CD4: variants seen among roughly 807,000 people sequenced by gnomAD.
The protein encoded by CD4 is T-cell surface glycoprotein CD4.
In CD4, 25 loss-of-function variants were observed where a neutral mutation model predicts 50.5. That is an observed-to-expected ratio of 0.49 (90% CI 0.36 to 0.69). The LOEUF (loss-of-function observed/expected upper bound fraction) is 0.69, where lower values mean the gene tolerates loss of function less well. CD4 is among the 30% of genes least tolerant of loss of function. The pLI is 0.00. For synonymous variants in CD4, 207 were observed against 221.9 expected (o/e 0.93, Z 0.60); for missense variants, 456 against 548.5 (o/e 0.83, Z 1.68).
rs782284163 is a variant in CD4, at chr12:6,818,527, G to A, written c.1263G>A (p.Arg421=). The part of the protein sequence containing the change: ...FIGLGIFFCV[R]CRHRRRQAER... ...GGCTAGGCATCTTCTTCTGTGTCAG[G>A]TGCCGGCACCGAAGGGTGAGTAACC... Residue 421 remains arginine (R), a synonymous_variant, in exon 8 of 10, where the codon AGG becomes AGA. Coordinates refer to ENST00000011653, the MANE Select transcript of CD4 (RefSeq NM_000616.5). The surrounding 1 kb of genome is among the most constrained non-coding windows in gnomAD (Gnocchi z 5.0). The A allele has an allele frequency of 1.6e-5, 25 of 1,612,818 alleles. 1 individual carries two copies. The South Asian group carries it at 1.8e-4, about 11-fold the overall frequency.
At chr12:6,814,558 G>T in intron 4 of CD4, 1 of 676,420 alleles carries the variant, frequency 1.5e-6, no homozygotes. Flanking sequence ...GACTGGGGAA[G>T]AGAGGATGAG....
Position 6,817,303 on chromosome 12 carries a change from C to A in CD4, c.1129C>A (p.Gln377Lys). 6.4e-7 allele frequency: 1 copy of A among 1,563,232 alleles called. No homozygotes were observed. The highest frequency in any genetic ancestry group is 8.7e-7 in the Non-Finnish European group (1 of 1,152,636). The change falls in exon 7 of 10, where the codon CAG becomes AAG. Residue 377 changes from glutamine (Q) to lysine (K), a missense_variant. Transcript: ENST00000011653. ...GCAGTGTCTGCTGAGTGACTCGGGA[C>A]AGGTCCTGCTGGAATCCAACATCAA... ...MWQCLLSDSG[Q>K]VLLESNIKVL...
chr12:6,808,081 A>C (rs1942822139), intron 3 of CD4, among the ~76,000 whole-genome samples: 1 of 35,624 alleles, frequency 2.8e-5, no homozygotes, highest in African/African-American at 1.8e-4. Flanking sequence ...CTCTTTCTCA[A>C]AAAAAAAAAA....
intron 7 of CD4, 117 bp downstream of exon 7, chr12:6,817,447 G>T: frequency 1.2e-6 from 1 of 841,292 alleles, no homozygotes. Flanking sequence ...TATGGGTATG[G>T]TGTCCTCTGT....
At chr12:6,797,668 C>T (rs11064394) in intron 1 of CD4, among the ~76,000 whole-genome samples, 18,099 of 152,082 alleles carry the variant, frequency 0.12, 1,326 homozygotes, top group East Asian at 0.35. Context: ...AACATATGAG[C>T]AAAGACTCTG....
rs782781509 is a variant in CD4, at chr12:6,816,291, C to T, written c.843C>T (p.His281=). 9 of 1,614,246 alleles carry T rather than the reference C, an allele frequency of 5.6e-6. No individual in the cohort carries two copies. Among genetic ancestry groups the T allele is most frequent in the Non-Finnish European group, 7.6e-6 (9 of 1,180,040 alleles). ...AGATGGGCAAGAAGCTCCCGCTCCA[C>T]CTCACCCTGCCCCAGGCCTTGCCTC... ...KLQMGKKLPL[H]LTLPQALPQY... is the part of the protein sequence containing the mutation. The change falls in exon 6 of 10, where the codon CAC becomes CAT. Residue 281 remains histidine (H), a synonymous_variant. Transcript: ENST00000011653. This position sits in a 1 kb window ranked among gnomAD's most constrained non-coding sequence, Gnocchi z 4.9.
In CD4 at chr12:6,800,398, G is replaced by T. The variant is rs201647213; in HGVS notation, c.141G>T (p.Lys47Asn). 1 of 1,614,124 alleles carries T rather than the reference G, an allele frequency of 6.2e-7. No individual in the cohort carries two copies. The highest frequency in any genetic ancestry group is 8.5e-7 in the Non-Finnish European group (1 of 1,179,964). The stretch of plus-strand genomic sequence containing the variant: ...TGACCTGTACAGCTTCCCAGAAGAA[G>T]AGCATACAATTCCACTGGAAAAACT... Reference protein sequence around the residue: ...VELTCTASQKKSIQFHWKNSN... With the variant: ...VELTCTASQKNSIQFHWKNSN... The change falls in exon 3 of 10, where the codon AAG becomes AAT. Residue 47 changes from lysine (K) to asparagine (N), a missense_variant. Lys to Asn is a moderately conservative substitution (Grantham distance 94). Coordinates refer to ENST00000011653, the MANE Select transcript of CD4 (RefSeq NM_000616.5).
At chr12:6,791,765 C>G (rs909441315) in intron 1 of CD4, among the ~76,000 whole-genome samples, 9 of 152,094 alleles carry the variant, frequency 5.9e-5, no homozygotes, top group African/African-American at 1.9e-4. Context: ...GCCTGTGGTT[C>G]CAGCTACTTG....
chr12:6,791,234 C>A (rs1301325985), intron 1 of CD4, among the ~76,000 whole-genome samples: 32 of 152,154 alleles, frequency 2.1e-4, no homozygotes, highest in Admixed American at 2.1e-3. Context: ...AATTGTCTTG[C>A]ACGTTTTATT....
chr12:6,813,422 A>G (rs1246062863), intron 3 of CD4: 1 of 151,830 alleles, frequency 6.6e-6, no homozygotes, highest in East Asian at 1.9e-4. Flanking sequence ...CTTATGTTTA[A>G]TTCGAGAATT....
At chr12:6,789,745 C>T (rs1942094202) in intron 1 of CD4, 83 bp downstream of exon 1, 1 of 152,250 alleles carries the variant, frequency 6.6e-6, no homozygotes, top group Non-Finnish European at 1.5e-5. Flanking sequence ...GTGCTCTGCC[C>T]AGTTGTCTGC....
intron 7 of CD4, among the ~76,000 whole-genome samples, chr12:6,817,720 G>T (rs1409083880): frequency 6.9e-6 from 1 of 144,908 alleles, no homozygotes; most frequent in Non-Finnish European, 1.5e-5. Context: ...TCTCACACAC[G>T]CACACACATC....
At chr12:6,797,940 C>T (rs947044493) in intron 1 of CD4, among the ~76,000 whole-genome samples, 1 of 152,140 alleles carries the variant, frequency 6.6e-6, no homozygotes, top group Non-Finnish European at 1.5e-5. Flanking sequence ...TCCTCCTTCA[C>T]TAATCCTCCT....
chr12:6,799,180 GAC>G (rs1459947505), intron 1 of CD4: 5 of 152,212 alleles, frequency 3.3e-5, no homozygotes, highest in African/African-American at 1.2e-4. Flanking sequence ...AATTGGACAT[GAC>G]ACACACAAAT....
At chr12:6,796,027 G>A (rs746602166) in intron 1 of CD4, among the ~76,000 whole-genome samples, 25 of 152,184 alleles carry the variant, frequency 1.6e-4, no homozygotes, top group African/African-American at 4.3e-4. Flanking sequence ...TCAGTGACCC[G>A]TTTTAGAAAC....
intron 3 of CD4, 140 bp from the exon 4 acceptor site, chr12:6,814,002 C>G: frequency 1.4e-6 from 1 of 716,862 alleles, no homozygotes; most frequent in Non-Finnish European, 2.4e-6. Context: ...CTTGCCAGAC[C>G]GGGTTTCTCT....
chr12:6,819,313 C>T lies in CD4; in HGVS notation c.1361C>T (p.Thr454Ile). Reference protein sequence around the residue: ...TCQCPHRFQKTCSPI With the variant: ...TCQCPHRFQKICSPI The stretch of plus-strand genomic sequence containing the variant: ...TGTTCCTGCAGCCGGTTTCAGAAGA[C>T]ATGTAGCCCCATTTGAGGCACGAGG... The change falls in exon 10 of 10, where the codon ACA becomes ATA. Residue 454 changes from threonine (T) to isoleucine (I), a missense_variant. Coordinates refer to ENST00000011653, the MANE Select transcript of CD4 (RefSeq NM_000616.5). 1 of 1,614,138 alleles carries T rather than the reference C, an allele frequency of 6.2e-7. No homozygotes were observed. The highest frequency in any genetic ancestry group is 1.7e-5 in the Admixed American group (1 of 60,022).
At chr12:6,808,679 A>G in intron 3 of CD4, among the ~76,000 whole-genome samples, 1 of 152,036 alleles carries the variant, frequency 6.6e-6, no homozygotes, top group East Asian at 1.9e-4. Flanking sequence ...CTAACCTAGA[A>G]TTCCATCAAA....
intron 3 of CD4, among the ~76,000 whole-genome samples, chr12:6,811,497 T>C (rs782381598): frequency 2.4e-4 from 33 of 140,234 alleles, no homozygotes; most frequent in Middle Eastern, 3.5e-3. Context: ...TTTTCTTTTT[T>C]TTTTTTTTTT....
Sources: gnomAD v4.1 joint callset for allele counts (sites outside exome capture counted in the v4.1 genomes callset) on GRCh38, gnomAD v4.1.1 for gene constraint, Gnocchi (gnomAD v3.1) non-coding constraint, MANE v1.5 for transcripts, NCBI Gene and HGNC (gene_info 2026-07-23, HGNC 2026-07-21) for gene names.